Variants in DAAM1 observed in about 807,000 individuals in gnomAD.
The protein encoded by DAAM1 is dishevelled associated activator of morphogenesis 1, also known as disheveled-associated activator of morphogenesis 1.
A neutral mutation model predicts 130.0 loss-of-function variants in DAAM1; 52 were observed. The ratio of observed to expected loss-of-function variants is 0.40; its 90% CI spans 0.32 to 0.50. DAAM1 has a LOEUF of 0.50. DAAM1 is among the 20% of genes least tolerant of loss of function. DAAM1 has a pLI of 0.61. For synonymous variants in DAAM1, 452 were observed against 444.5 expected (o/e 1.02, Z -0.21); for missense variants, 1,134 against 1,303.8 (o/e 0.87, Z 2.01).
intron 17 of DAAM1, among the ~76,000 whole-genome samples, chr14:59,351,112 T>G (rs901373317): frequency 1.3e-5 from 2 of 152,108 alleles, no homozygotes; most frequent in African/African-American, 4.8e-5. Flanking sequence ...CCTGTTATGT[T>G]GTTGCCTAAG....
Position 59,354,080 on chromosome 14 carries a change from A to C in DAAM1, c.2356+116A>C, listed in dbSNP as rs552498584. 1,423 of 906,160 alleles carry C rather than the reference A, an allele frequency of 1.6e-3. 3 individuals are homozygous for C. Among genetic ancestry groups the C allele is most frequent in the Middle Eastern group, 0.013 (53 of 4,206 alleles). 56.1% of individuals were successfully genotyped at this position (906,160 alleles called of 1,614,324 possible). A position where few individuals can be genotyped will look rare whatever the true frequency, so the allele number is the denominator to read the frequency against. On this transcript the variant is annotated intron_variant, in intron 19 of 24. Coordinates refer to ENST00000360909, the MANE Select transcript of DAAM1 (RefSeq NM_001270520.2). The stretch of plus-strand genomic sequence containing the variant: ...CTTGGTGATTTTTTTTTTTTTTTTG[A>C]GACGGAGTCTTGCACAGTTGCCCAG...
At chr14:59,340,809 T>C (rs1885814783) in intron 16 of DAAM1, among the ~76,000 whole-genome samples, 1 of 152,224 alleles carries the variant, frequency 6.6e-6, no homozygotes, top group Non-Finnish European at 1.5e-5. Context: ...GTCAGGTTTT[T>C]CTGGGCATTT....
Position 59,315,304 on chromosome 14 carries a change from A to G in DAAM1, c.298A>G (p.Thr100Ala), listed in dbSNP as rs1244583324. The G allele has an allele frequency of 8.1e-6, 13 of 1,613,916 alleles. No individual in the cohort carries two copies. The highest frequency in any genetic ancestry group is 6.6e-5 in the South Asian group (6 of 91,080). ...KKDQEENKGA[T>A]SWPEFYIDQL... ...GGACCAGGAAGAAAACAAGGGAGCT[A>G]CAAGTTGGCCTGAATTCTACATTGA... is the stretch of plus-strand genomic sequence containing the variant. The change falls in exon 4 of 25, where the codon ACA becomes GCA. Residue 100 changes from threonine (T) to alanine (A), a missense_variant. Coordinates refer to ENST00000360909, the MANE Select transcript of DAAM1 (RefSeq NM_001270520.2).
At chr14:59,225,828 A>G (rs2139435039) in intron 1 of DAAM1, among the ~76,000 whole-genome samples, 1 of 152,344 alleles carries the variant, frequency 6.6e-6, no homozygotes, top group South Asian at 2.1e-4. Context: ...CGAAGATCGA[A>G]GGAGAAATAG....
At chr14:59,215,526 AGGCG>A (rs954839083) in intron 1 of DAAM1, among the ~76,000 whole-genome samples, 8 of 152,226 alleles carry the variant, frequency 5.3e-5, no homozygotes, top group African/African-American at 1.9e-4. Flanking sequence ...TGCTTTCTGC[AGGCG>A]GCAGCCGCTG....
At chr14:59,286,517 G>T (rs1252245932) in intron 2 of DAAM1, among the ~76,000 whole-genome samples, 1 of 151,966 alleles carries the variant, frequency 6.6e-6, no homozygotes, top group East Asian at 1.9e-4. Context: ...GATTAAACAA[G>T]ATTTATAGAC....
chr14:59,350,907 G>A (rs1886267316), intron 17 of DAAM1, among the ~76,000 whole-genome samples: 1 of 152,064 alleles, frequency 6.6e-6, no homozygotes, highest in Admixed American at 6.5e-5. Context: ...TGTGCCTTCA[G>A]TAACCTACCT....
chr14:59,358,849 A>T (rs1444739646), intron 20 of DAAM1, among the ~76,000 whole-genome samples: 1 of 152,084 alleles, frequency 6.6e-6, no homozygotes, highest in African/African-American at 2.4e-5. Context: ...AAAAAAAAAA[A>T]AAAGTATCAA....
At chr14:59,218,166 C>G (rs949666456) in intron 1 of DAAM1, among the ~76,000 whole-genome samples, 1 of 152,136 alleles carries the variant, frequency 6.6e-6, no homozygotes, top group Non-Finnish European at 1.5e-5. Context: ...TTAATTTCCT[C>G]CGTCAAACTA....
chr14:59,298,791 G>C (rs1408124612), intron 3 of DAAM1, among the ~76,000 whole-genome samples: 1 of 152,094 alleles, frequency 6.6e-6, no homozygotes, highest in Non-Finnish European at 1.5e-5. Flanking sequence ...CCAGTGTTGG[G>C]TATTATTTTT....
rs544091031 is a variant in DAAM1 at position 59,325,921 on chromosome 14, C to G, written c.1057-39C>G. ...ACTTTACACTGGGGAAACTGAGGAA[C>G]TTAGATGTTTGATTTGATTTCTTTT... On this transcript the variant is annotated intron_variant, in intron 9 of 24. Coordinates refer to ENST00000360909, the MANE Select transcript of DAAM1 (RefSeq NM_001270520.2). The G allele has an allele frequency of 3.7e-5, 59 of 1,592,548 alleles. No homozygotes were observed. In the Admixed American group the frequency reaches 6.5e-4, roughly 18 times the overall value.
intron 24 of DAAM1, 40 bp from the exon 25 acceptor site, chr14:59,368,610 T>G: frequency 3.8e-6 from 6 of 1,582,778 alleles, no homozygotes; most frequent in Non-Finnish European, 5.2e-6. Flanking sequence ...AATGCAACAT[T>G]TTGACATGTC....
At chr14:59,312,729 T>G (rs1373668459) in intron 3 of DAAM1, among the ~76,000 whole-genome samples, 1 of 152,162 alleles carries the variant, frequency 6.6e-6, no homozygotes, top group Non-Finnish European at 1.5e-5. Flanking sequence ...TATTTGGAAA[T>G]AAGGTGAAAC....
At chr14:59,201,131 A>G (rs1235181103) in intron 1 of DAAM1, among the ~76,000 whole-genome samples, 1 of 142,794 alleles carries the variant, frequency 7.0e-6, no homozygotes, top group Admixed American at 7.4e-5. Context: ...ACTGCACTCC[A>G]GCCTGGGCGA....
chr14:59,316,966 G>A (rs1261829690), intron 4 of DAAM1, among the ~76,000 whole-genome samples: 1 of 152,192 alleles, frequency 6.6e-6, no homozygotes, highest in Non-Finnish European at 1.5e-5. Flanking sequence ...TGCCTTGTCT[G>A]AAGTAGACCT....
chr14:59,346,138 T>G (rs868274415), intron 16 of DAAM1, among the ~76,000 whole-genome samples: 32 of 119,632 alleles, frequency 2.7e-4, no homozygotes, highest in African/African-American at 2.8e-4. Flanking sequence ...CCCTTTTTTT[T>G]GGGGGGGGGG....
intron 19 of DAAM1, among the ~76,000 whole-genome samples, chr14:59,354,800 A>G (rs1047837895): frequency 2.6e-5 from 4 of 152,052 alleles, no homozygotes; most frequent in African/African-American, 9.7e-5. Context: ...ATTGATCAAT[A>G]CTCCTGTTAA....
At chr14:59,257,570 A>G (rs571898889) in intron 1 of DAAM1, among the ~76,000 whole-genome samples, 1 of 152,170 alleles carries the variant, frequency 6.6e-6, no homozygotes, top group Non-Finnish European at 1.5e-5. Flanking sequence ...GAAAAGTGCA[A>G]CCATTGCCGA....
At chr14:59,285,661 T>C (rs1430433099) in intron 2 of DAAM1, among the ~76,000 whole-genome samples, 1 of 151,868 alleles carries the variant, frequency 6.6e-6, no homozygotes, top group East Asian at 1.9e-4. Flanking sequence ...CCAACAATGA[T>C]CAAAAAGGAC....
Sources: gnomAD v4.1 joint callset for allele counts (sites outside exome capture counted in the v4.1 genomes callset) on GRCh38, gnomAD v4.1.1 for gene constraint, MANE v1.5 for transcripts, NCBI Gene and HGNC (gene_info 2026-07-23, HGNC 2026-07-21) for gene names.